The following TRPC4AP variants were observed in gnomAD, a reference collection of about 807,000 sequenced individuals.
TRPC4AP encodes short transient receptor potential channel 4-associated protein.
A neutral mutation model predicts 99.0 loss-of-function variants in TRPC4AP; 45 were observed. That is an observed-to-expected ratio of 0.45 (90% CI 0.36 to 0.58). The LOEUF (loss-of-function observed/expected upper bound fraction) is 0.58, where lower values mean the gene tolerates loss of function less well. Among genes scored for constraint, TRPC4AP ranks in the 20% least tolerant of loss-of-function variants. TRPC4AP has a pLI of 0.00. For synonymous variants in TRPC4AP, 408 were observed against 385.8 expected, an observed-to-expected ratio of 1.06 and a Z score of -0.67; for missense variants, 879 against 985.3, an observed-to-expected ratio of 0.89 and a Z score of 1.44.
At chr20:35,018,007 A>T (rs2082793351) in intron 9 of TRPC4AP, among the ~76,000 whole-genome samples, 1 of 152,144 alleles carries the variant, frequency 6.6e-6, no homozygotes, top group Admixed American at 6.5e-5. Flanking sequence ...TACGGCTGAC[A>T]TCTATGGTGT....
In TRPC4AP at chr20:35,007,508, G is replaced by C. The variant is rs151089444; in HGVS notation, c.1686+42C>G. 19 of 1,598,122 alleles carry C rather than the reference G, an allele frequency of 1.2e-5. No homozygotes were observed. In the East Asian group the frequency reaches 1.3e-4, roughly 11 times the overall value. On this transcript the variant is annotated intron_variant, in intron 14 of 18. Transcript: ENST00000252015. ...ACAGGACACAGCAACGCGTGGGCTG[G>C]GGGGAGACGGAACCCAAGACACTGG...
At position 35,004,476 on chromosome 20, in the gene TRPC4AP, G is replaced by A. The variant is rs764933769; in HGVS notation, c.2031C>T (p.His677=). ...SFLFRLINII[H]VQTLTQENVS... Reference sequence around the variant, plus strand: ...CTCTCACCTGGGTCAGCGTCTGCACGTGGATGATGTTGATGAGGCGGAAGA... The same window carrying A: ...CTCTCACCTGGGTCAGCGTCTGCACATGGATGATGTTGATGAGGCGGAAGA... Residue 677 remains histidine (H), a synonymous_variant, in exon 17 of 19, where the codon CAC becomes CAT. Transcript: ENST00000252015. The A allele has an allele frequency of 9.3e-6, 15 of 1,613,868 alleles. No homozygotes were observed. The highest frequency in any genetic ancestry group is 4.4e-5 in the South Asian group (4 of 90,996).
At chr20:35,006,726 T>C (rs1028353010) in intron 14 of TRPC4AP, 151 bp from the exon 15 acceptor site, 34 of 1,091,616 alleles carry the variant, frequency 3.1e-5, no homozygotes, top group Non-Finnish European at 4.4e-5. Flanking sequence ...TGCTGGTGGC[T>C]CCAAGGACAG....
At chr20:35,084,197 G>C (rs908269554) in intron 1 of TRPC4AP, among the ~76,000 whole-genome samples, 1 of 151,492 alleles carries the variant, frequency 6.6e-6, no homozygotes, top group Non-Finnish European at 1.5e-5. Context: ...AGCTACTCGG[G>C]GGGCATAGGT....
intron 9 of TRPC4AP, among the ~76,000 whole-genome samples, chr20:35,019,665 T>C (rs1215765548): frequency 6.6e-6 from 1 of 152,196 alleles, no homozygotes. Context: ...TATAAGCAAC[T>C]GCGAAAGTGC....
intron 9 of TRPC4AP, among the ~76,000 whole-genome samples, chr20:35,018,610 A>G (rs1031074040): frequency 6.6e-6 from 1 of 150,622 alleles, no homozygotes; most frequent in African/African-American, 2.4e-5. Flanking sequence ...AAAAGAAAAA[A>G]AAAAAAAAAA....
At chr20:35,090,575 T>C (rs1191181571) in intron 1 of TRPC4AP, among the ~76,000 whole-genome samples, 3 of 152,080 alleles carry the variant, frequency 2.0e-5, no homozygotes, top group Admixed American at 6.6e-5. Flanking sequence ...GGCTTCGCCA[T>C]GTTGGCCAGG....
At chr20:35,055,766 C>G (rs1256145790) in intron 4 of TRPC4AP, among the ~76,000 whole-genome samples, 1 of 152,082 alleles carries the variant, frequency 6.6e-6, no homozygotes, top group Non-Finnish European at 1.5e-5. Context: ...TTATCAGACT[C>G]ATTAACTGAG....
Position 35,081,025 on chromosome 20 carries a change from C to T in TRPC4AP, c.169-2851G>A, listed in dbSNP as rs191599074. Among the ~76,000 whole-genome samples, 203 of 152,066 alleles carry T rather than the reference C, an allele frequency of 1.3e-3. 1 individual carries two copies. The highest frequency in any genetic ancestry group is 4.7e-3 in the African/African-American group (195 of 41,466). ...TTGCTGAAAATCACTGAACTGTACA[C>T]TTACAATGGGTAAATTTTATTGTAT... On this transcript the variant is annotated intron_variant, in intron 1 of 18. Coordinates refer to ENST00000252015, the MANE Select transcript of TRPC4AP (RefSeq NM_015638.3).
rs1555914267 is a variant in TRPC4AP at position 35,068,984 on chromosome 20, A to AC, written c.414+311_414+312insG. ...ACACACACACACACACACACAAAAA[A>AC]AACAAAACATCTTAAGCAGGACACA... is the stretch of plus-strand genomic sequence containing the variant. On this transcript the variant is annotated intron_variant, in intron 3 of 18. Coordinates refer to ENST00000252015, the MANE Select transcript of TRPC4AP (RefSeq NM_015638.3). Among the ~76,000 whole-genome samples, 77 of 140,202 alleles carry AC rather than the reference A, an allele frequency of 5.5e-4. 1 individual carries two copies. Among genetic ancestry groups the AC allele is most frequent in the Middle Eastern group, 3.5e-3 (1 of 286 alleles). 92.0% of individuals were successfully genotyped at this position (140,202 alleles called of 152,430 possible). A position where few individuals can be genotyped will look rare whatever the true frequency, so the allele number is the denominator to read the frequency against.
intron 6 of TRPC4AP, among the ~76,000 whole-genome samples, chr20:35,046,179 T>C (rs1027700008): frequency 3.9e-5 from 6 of 152,340 alleles, no homozygotes; most frequent in Admixed American, 3.9e-4. Flanking sequence ...AATTTTAATA[T>C]CCTATAAGTT....
At chr20:35,076,064 T>C (rs957502836) in intron 2 of TRPC4AP, among the ~76,000 whole-genome samples, 2 of 152,248 alleles carry the variant, frequency 1.3e-5, no homozygotes, top group Non-Finnish European at 1.5e-5. Flanking sequence ...TACTGAAGCT[T>C]GTGCATGCGT....
chr20:35,055,694 T>A (rs1445744539), intron 4 of TRPC4AP, among the ~76,000 whole-genome samples: 2 of 152,232 alleles, frequency 1.3e-5, no homozygotes, highest in African/African-American at 2.4e-5. Flanking sequence ...TATAAGCATC[T>A]CAATTGCTCT....
intron 12 of TRPC4AP, 49 bp from the exon 13 acceptor site, chr20:35,008,796 G>A (rs541283014): frequency 4.5e-6 from 7 of 1,556,062 alleles, no homozygotes; most frequent in African/African-American, 2.7e-5. Context: ...GCTGACAGGG[G>A]CCCTGGGGAT....
chr20:35,037,586 G>T (rs1261879469), intron 7 of TRPC4AP, among the ~76,000 whole-genome samples: 4 of 152,086 alleles, frequency 2.6e-5, no homozygotes, highest in Non-Finnish European at 5.9e-5. Context: ...CCATATAAAG[G>T]AATGAAGTAC....
chr20:35,014,298 G>A (rs1229344844), intron 10 of TRPC4AP, among the ~76,000 whole-genome samples: 6 of 151,208 alleles, frequency 4.0e-5, no homozygotes, highest in Non-Finnish European at 8.8e-5. Flanking sequence ...GAAGTGGCTA[G>A]AGGGCCTCAG....
chr20:35,037,711 G>A lies in TRPC4AP; in HGVS notation c.866-2403C>T, dbSNP rs957487886. Among the ~76,000 whole-genome samples, 8 of 152,354 alleles carry A rather than the reference G, an allele frequency of 5.3e-5. No individual in the cohort carries two copies. In the East Asian group the frequency reaches 1.3e-3, roughly 26 times the overall value. On this transcript the variant is annotated intron_variant, in intron 7 of 18. Transcript: ENST00000252015. ...TACAGTTATGCACTGCATTAACGCTGTTGCGGTCAACAACGACCACACAGA... is the reference window on the plus strand; with the variant it reads ...TACAGTTATGCACTGCATTAACGCTATTGCGGTCAACAACGACCACACAGA...
At chr20:35,068,818 C>T (rs1462158449) in intron 3 of TRPC4AP, among the ~76,000 whole-genome samples, 2 of 150,180 alleles carry the variant, frequency 1.3e-5, no homozygotes, top group Non-Finnish European at 2.9e-5. Flanking sequence ...CTGCGCCCGG[C>T]CTAAAATTGT....
Position 35,006,595 on chromosome 20 carries a change from G to T in TRPC4AP, c.1687-20C>A, listed in dbSNP as rs114786577. ...GATGTGCTGGGTGAGGAGGGACAGGGTGAAGGTGTCAACGTGGCTGCCCCC... is the reference window on the plus strand; with the variant it reads ...GATGTGCTGGGTGAGGAGGGACAGGTTGAAGGTGTCAACGTGGCTGCCCCC... On this transcript the variant is annotated intron_variant, in intron 14 of 18. Transcript: ENST00000252015. 2,259 of 1,609,838 alleles carry T rather than the reference G, an allele frequency of 1.4e-3. 25 individuals are homozygous for T. The African/African-American group carries it at 0.026, about 18-fold the overall frequency.
Sources: allele counts gnomAD v4.1 joint callset (sites outside exome capture counted in the v4.1 genomes callset), GRCh38; gene constraint gnomAD v4.1.1; transcripts MANE v1.5; gene names NCBI Gene and HGNC (gene_info 2026-07-23, HGNC 2026-07-21).